Variants in SARDH observed in about 807,000 individuals in gnomAD.
The protein encoded by SARDH is sarcosine dehydrogenase, mitochondrial.
Under a neutral mutation model 109.1 loss-of-function variants are expected in SARDH, and 95 were observed. That is an observed-to-expected ratio of 0.87 (90% confidence interval 0.74 to 1.03). SARDH has a LOEUF of 1.03. Ranked by LOEUF, SARDH falls within the 50% of genes least tolerant of loss-of-function variation. The pLI is 0.00. For missense variants in SARDH, 1,267 were observed against 1,287.8 expected, an observed-to-expected ratio of 0.98 and a Z score of 0.25; for synonymous variants, 572 against 534.8, an observed-to-expected ratio of 1.07 and a Z score of -0.96.
At position 133,670,662 on chromosome 9, in the gene SARDH, G is replaced by A. The variant is rs572850482; in HGVS notation, c.2417C>T (p.Pro806Leu). The change falls in exon 19 of 21, where the codon CCC (proline) becomes CTC (leucine). Residue 806 changes from proline (P) to leucine (L), a missense_variant. Coordinates refer to ENST00000439388, the MANE Select transcript of SARDH (RefSeq NM_001134707.2). ...AFTCKLKSPV[P>L]FLGREALEQQ... ...CTCCAGGGCCTCCCTCCCCAGGAAG[G>A]GCACCGGCGACTTGAGCTTGCAGGT... 6 of 1,598,808 alleles carry A rather than the reference G, an allele frequency of 3.8e-6. No individual in the cohort carries two copies. In the African/African-American group the frequency reaches 8.0e-5, roughly 21 times the overall value.
intron 17 of SARDH, among the ~76,000 whole-genome samples, chr9:133,681,867 C>T (rs1830706586): frequency 6.6e-6 from 1 of 152,158 alleles, no homozygotes; most frequent in Non-Finnish European, 1.5e-5. Flanking sequence ...CCCACGATCG[C>T]GCACGCCAGT....
intron 17 of SARDH, among the ~76,000 whole-genome samples, chr9:133,676,083 C>T (rs1214481650): frequency 1.4e-5 from 2 of 139,290 alleles, no homozygotes; most frequent in Admixed American, 7.0e-5. Context: ...AGACTAAGAC[C>T]CTGTCTGAAA....
At chr9:133,696,125 G>A in intron 14 of SARDH, 98 bp downstream of exon 14, 1 of 1,466,008 alleles carries the variant, frequency 6.8e-7, no homozygotes, top group Non-Finnish European at 9.3e-7. Context: ...TGTGCTCAGG[G>A]TGCCCGAGGG....
downstream of SARDH, among the ~76,000 whole-genome samples, chr9:133,661,744 G>A (rs1386650663): frequency 6.6e-6 from 1 of 152,080 alleles, no homozygotes; most frequent in East Asian, 1.9e-4. Context: ...GCCTCCCAAA[G>A]TGCTGGGATT....
chr9:133,708,928 G>A (rs771006988), intron 10 of SARDH, among the ~76,000 whole-genome samples: 4 of 152,088 alleles, frequency 2.6e-5, no homozygotes, highest in African/African-American at 7.2e-5. Flanking sequence ...CTTTCCACCC[G>A]CCAGCAGGGG....
intron 12 of SARDH, chr9:133,703,354 C>A (rs147622301): frequency 3.5e-4 from 130 of 371,558 alleles, no homozygotes; most frequent in African/African-American, 2.4e-3. Context: ...CAGGGCTGCT[C>A]CCTGGAGCCA....
chr9:133,711,686 G>A (rs1007963254), intron 10 of SARDH, among the ~76,000 whole-genome samples: 2 of 152,196 alleles, frequency 1.3e-5, no homozygotes, highest in Non-Finnish European at 2.9e-5. Context: ...GCACCGAGCT[G>A]AGCCAGGCCT....
At position 133,734,193 on chromosome 9, in the gene SARDH, G is replaced by C. The variant is rs2488553; in HGVS notation, c.-20C>G. 6.6e-7 allele frequency: 1 copy of C among 1,526,638 alleles called. No homozygotes were observed. The highest frequency in any genetic ancestry group is 8.8e-7 in the Non-Finnish European group (1 of 1,137,476). The allele number at this position is 1,526,638 out of a possible 1,614,324, so 94.6% of individuals were successfully genotyped here. A position where few individuals can be genotyped will look rare whatever the true frequency, so the allele number is the denominator to read the frequency against. ...GGCCATGGGGGCTCCAGGCCTCAGC[G>C]AAACAGGGAGCTGGGGAGAGAATCA... On this transcript the variant is annotated 5_prime_UTR_variant, in exon 2 of 21. Coordinates refer to ENST00000439388, the MANE Select transcript of SARDH (RefSeq NM_001134707.2).
At chr9:133,685,130 C>T (rs7859013) in intron 17 of SARDH, 63 bp downstream of exon 17, 30,722 of 1,432,614 alleles carry the variant, frequency 0.021, 2,210 homozygotes, top group African/African-American at 0.21. Context: ...CCAGATCCCC[C>T]GGCGCACCCC....
At chr9:133,699,868 C>T (rs1439535323) in intron 13 of SARDH, among the ~76,000 whole-genome samples, 2 of 152,166 alleles carry the variant, frequency 1.3e-5, no homozygotes, top group East Asian at 1.9e-4. Context: ...CGTTATATAC[C>T]CATAAGAAAT....
intron 10 of SARDH, among the ~76,000 whole-genome samples, chr9:133,708,692 G>A (rs1054403769): frequency 1.3e-5 from 2 of 152,068 alleles, no homozygotes; most frequent in African/African-American, 4.8e-5. Flanking sequence ...CCCCCACAGG[G>A]ACATGGGACT....
Position 133,712,947 on chromosome 9 carries a change from G to T in SARDH, c.1237+91C>A. ...TCTCCTGTCCCCACCACTGTCGGGGGCCACGGTGCTCCTGCGCCCGCCTCC... is the reference window on the plus strand; with the variant it reads ...TCTCCTGTCCCCACCACTGTCGGGGTCCACGGTGCTCCTGCGCCCGCCTCC... On this transcript the variant is annotated intron_variant, in intron 9 of 20. Transcript: ENST00000439388. This position sits in a 1 kb window ranked among gnomAD's most constrained non-coding sequence, Gnocchi z 4.1. 7.7e-7 allele frequency: 1 copy of T among 1,297,618 alleles called. No homozygotes were observed. The highest frequency in any genetic ancestry group is 1.1e-6 in the Non-Finnish European group (1 of 925,096). The allele number at this position is 1,297,618 out of a possible 1,614,324, so 80.4% of individuals were successfully genotyped here.
Position 133,670,668 on chromosome 9 carries a change from G to C in SARDH, c.2411C>G (p.Pro804Arg), listed in dbSNP as rs767340533. Reference protein sequence around the residue: ...GLAFTCKLKSPVPFLGREALE... With the variant: ...GLAFTCKLKSRVPFLGREALE... The stretch of plus-strand genomic sequence containing the variant: ...GGCCTCCCTCCCCAGGAAGGGCACC[G>C]GCGACTTGAGCTTGCAGGTGAAGGC... The change falls in exon 19 of 21, where the codon CCG becomes CGG. Residue 804 changes from proline to arginine, a missense_variant. Pro to Arg is a moderately radical substitution (Grantham distance 103). Coordinates refer to ENST00000439388, the MANE Select transcript of SARDH (RefSeq NM_001134707.2). 3 of 1,602,746 alleles carry C rather than the reference G, an allele frequency of 1.9e-6. No individual in the cohort carries two copies. The highest frequency in any genetic ancestry group is 1.7e-5 in the Admixed American group (1 of 58,648).
At chr9:133,738,066 G>C (rs905868752) in intron 1 of SARDH, among the ~76,000 whole-genome samples, 188 bp downstream of exon 1, 8 of 152,202 alleles carry the variant, frequency 5.3e-5, no homozygotes, top group African/African-American at 1.7e-4. Flanking sequence ...AGGCAGACTT[G>C]TGGGGAGGAG....
Position 133,702,975 on chromosome 9 carries a change from C to T in SARDH, c.1609G>A (p.Ala537Thr), listed in dbSNP as rs1192479180. The stretch of plus-strand genomic sequence containing the variant: ...TCGTCTGCCAGCAGCCTGCGGTAGG[C>T]GTAGTCCTCGTGCGCGCGGCTCCCG... ...AYGSRAHEDY[A>T]YRRLLADEYT... The change falls in exon 13 of 21, where the codon GCC becomes ACC. Residue 537 changes from alanine (A) to threonine (T), a missense_variant. Physicochemically the swap from Ala to Thr is moderately conservative, Grantham distance 58. Coordinates refer to ENST00000439388, the MANE Select transcript of SARDH (RefSeq NM_001134707.2). The T allele has an allele frequency of 3.7e-6, 6 of 1,613,336 alleles. No homozygotes were observed. The highest frequency in any genetic ancestry group is 2.7e-5 in the African/African-American group (2 of 74,922).
chr9:133,702,551 C>T (rs994620980), intron 13 of SARDH, among the ~76,000 whole-genome samples: 1 of 152,204 alleles, frequency 6.6e-6, no homozygotes, highest in African/African-American at 2.4e-5. Context: ...GGAGGACCCC[C>T]TTCCCCCACC....
chr9:133,690,193 T>C (rs141160017), intron 16 of SARDH, among the ~76,000 whole-genome samples, 187 bp downstream of exon 16: 89 of 152,316 alleles, frequency 5.8e-4, no homozygotes, highest in Non-Finnish European at 2.4e-4. Context: ...GTCTGACTCG[T>C]GTTACCGGCT....
At chr9:133,737,699 C>A (rs1218719987) in intron 1 of SARDH, among the ~76,000 whole-genome samples, 1 of 152,240 alleles carries the variant, frequency 6.6e-6, no homozygotes, top group Non-Finnish European at 1.5e-5. Flanking sequence ...CCTGCCTGGT[C>A]AGTCAGGGCT....
intron 16 of SARDH, among the ~76,000 whole-genome samples, chr9:133,689,474 C>T (rs758897759): frequency 6.6e-6 from 1 of 152,082 alleles, no homozygotes; most frequent in Non-Finnish European, 1.5e-5. Flanking sequence ...ATTTTTAACT[C>T]TTGAAAAAGG....
Sources: gnomAD v4.1 joint callset for allele counts (sites outside exome capture counted in the v4.1 genomes callset) on GRCh38, gnomAD v4.1.1 for gene constraint, Gnocchi (gnomAD v3.1) non-coding constraint, MANE v1.5 for transcripts, NCBI Gene and HGNC (gene_info 2026-07-23, HGNC 2026-07-21) for gene names.